Variants in UBXN10 observed in about 807,000 individuals in gnomAD.
UBXN10 encodes UBX domain protein 10.
A neutral mutation model predicts 6.9 loss-of-function variants in UBXN10; 6 were observed. That is an observed-to-expected ratio of 0.87 (90% CI 0.48 to 1.72). The LOEUF (loss-of-function observed/expected upper bound fraction) is 1.72. Ranked by LOEUF, UBXN10 falls within the 40% of genes most tolerant of loss-of-function variation. The probability of loss-of-function intolerance (pLI) is 0.01; values close to 1 mark genes in which losing one functional copy is unlikely to be tolerated. For missense variants in UBXN10, 317 were observed against 348.4 expected (o/e 0.91, Z 0.72); for synonymous variants, 131 against 135.2 (o/e 0.97, Z 0.21).
chr1:20,190,839 C>T lies in UBXN10; in HGVS notation c.278C>T (p.Ser93Phe). 2 of 1,614,024 alleles carry T rather than the reference C, an allele frequency of 1.2e-6. No homozygotes were observed. The highest frequency in any genetic ancestry group is 1.7e-6 in the Non-Finnish European group (2 of 1,180,042). Residue 93 changes from serine (S) to phenylalanine (F), a missense_variant, in exon 2 of 2, where the codon TCT becomes TTT. Transcript: ENST00000375099. ...CCCAAATCTCCAAACCAGGGAGCTT[C>T]TGATGAGATCCCTGAGCTGCAGCAG... is the stretch of plus-strand genomic sequence containing the variant. ...CAPKSPNQGA[S>F]DEIPELQQQV...
chr1:20,184,182 CGTGCGT>C (rs898765522), upstream of UBXN10: 14 of 134,604 alleles, frequency 1.0e-4, no homozygotes, highest in African/African-American at 4.2e-4. Context: ...CAAAGGCGCG[CGTGCGT>C]GCGCACACGC....
chr1:20,185,877 T>C (rs1360442725), upstream of UBXN10, among the ~76,000 whole-genome samples: 5 of 152,028 alleles, frequency 3.3e-5, no homozygotes, highest in Non-Finnish European at 7.4e-5. Context: ...GCGGTGACGC[T>C]AGGAAGAGGA....
intron 1 of UBXN10, among the ~76,000 whole-genome samples, chr1:20,189,312 T>C (rs1335692539): frequency 6.6e-6 from 1 of 151,888 alleles, no homozygotes; most frequent in Non-Finnish European, 1.5e-5. Flanking sequence ...TGGTCAGGAT[T>C]CAGAGGGAGG....
rs1220326136 is a variant in UBXN10, at chr1:20,192,980, A to C, written c.*1576A>C. The C allele has an allele frequency of 1.2e-5, 2 of 167,102 alleles. No homozygotes were observed. Among genetic ancestry groups the C allele is most frequent in the Admixed American group, 1.3e-4 (2 of 15,274 alleles). The allele number at this position is 167,102 out of a possible 1,614,324, so 10.4% of individuals were successfully genotyped here. On this transcript the variant is annotated 3_prime_UTR_variant, in exon 2 of 2. Coordinates refer to ENST00000375099, the MANE Select transcript of UBXN10 (RefSeq NM_152376.5). The stretch of plus-strand genomic sequence containing the variant: ...TTCTGAATGTTTTATAGAATTTCTT[A>C]ATACCATCCTGGTTTGGTCAGCCAT...
rs368796887 is a variant in UBXN10, at chr1:20,192,465, A to AC, written c.*1063dup. The AC allele has an allele frequency of 1.2e-3, 200 of 167,122 alleles. No individual in the cohort carries two copies. Among genetic ancestry groups the AC allele is most frequent in the African/African-American group, 4.5e-3 (186 of 41,514 alleles). The allele number at this position is 167,122 out of a possible 1,614,324, so 10.4% of individuals were successfully genotyped here. ...GACCATGTGCCCGAGCATCTGGTTG[A>AC]CCGGCATGAAGTACATCAGCCTGTC... On this transcript the variant is annotated 3_prime_UTR_variant, in exon 2 of 2. Coordinates refer to ENST00000375099, the MANE Select transcript of UBXN10 (RefSeq NM_152376.5).
chr1:20,185,799 C>T (rs2018363918), upstream of UBXN10, among the ~76,000 whole-genome samples: 1 of 152,204 alleles, frequency 6.6e-6, no homozygotes, highest in South Asian at 2.1e-4. Context: ...TGGTGCTGCT[C>T]CCCGCTCCTC....
Position 20,194,666 on chromosome 1 carries a change from A to G in UBXN10, c.*3262A>G, listed in dbSNP as rs566158133. ...TACCTGCCGTTTTAAATGGGTTTCT[A>G]ATGTCAAATAAAGCCACCCTGCCTC... On this transcript the variant is annotated 3_prime_UTR_variant, in exon 2 of 2. Transcript: ENST00000375099. 35 of 167,238 alleles carry G rather than the reference A, an allele frequency of 2.1e-4. No individual in the cohort carries two copies. The highest frequency in any genetic ancestry group is 3.4e-3 in the Middle Eastern group (1 of 296). 10.4% of individuals were successfully genotyped at this position (167,238 alleles called of 1,614,324 possible).
Position 20,191,329 on chromosome 1 carries a change from A to G in UBXN10, c.768A>G (p.Lys256=), listed in dbSNP as rs993496133. 12 of 1,613,872 alleles carry G rather than the reference A, an allele frequency of 7.4e-6. No individual in the cohort carries two copies. In the Admixed American group the frequency reaches 1.3e-4, roughly 18 times the overall value. Residue 256 remains lysine (K), a synonymous_variant, in exon 2 of 2, where the codon AAA becomes AAG. Coordinates refer to ENST00000375099, the MANE Select transcript of UBXN10 (RefSeq NM_152376.5). This position sits in a 1 kb window ranked among gnomAD's most constrained non-coding sequence, Gnocchi z 4.5. ...VPRRRFSDLT[K]SLQECRIPHK... ...GGAGGCGATTTTCTGACCTCACCAA[A>G]TCTCTGCAAGAGTGCAGAATCCCCC...
chr1:20,192,519 G>A lies in UBXN10; in HGVS notation c.*1115G>A, dbSNP rs1254987801. Reference sequence around the variant, plus strand: ...GCCTGAGCTGCTTTGAAGACCATGGGGTCTTGTGTTTCCAACTTCGAAGTG... The same window carrying A: ...GCCTGAGCTGCTTTGAAGACCATGGAGTCTTGTGTTTCCAACTTCGAAGTG... On this transcript the variant is annotated 3_prime_UTR_variant, in exon 2 of 2. Transcript: ENST00000375099. The A allele has an allele frequency of 6.0e-6, 1 of 167,016 alleles. No homozygotes were observed. The highest frequency in any genetic ancestry group is 1.5e-5 in the Non-Finnish European group (1 of 68,128). 10.3% of individuals were successfully genotyped at this position (167,016 alleles called of 1,614,324 possible).
intron 1 of UBXN10, among the ~76,000 whole-genome samples, chr1:20,189,593 G>C (rs1008889215): frequency 6.6e-6 from 1 of 152,112 alleles, no homozygotes; most frequent in African/African-American, 2.4e-5. Flanking sequence ...CTATCGGGTA[G>C]CTGGGAAGAC....
intron 1 of UBXN10, among the ~76,000 whole-genome samples, 181 bp from the exon 2 acceptor site, chr1:20,190,366 G>A (rs919440859): frequency 6.6e-6 from 1 of 152,104 alleles, no homozygotes; most frequent in African/African-American, 2.4e-5. Context: ...TCGGTTTGCT[G>A]ATCTCTCGCA....
At position 20,192,223 on chromosome 1, in the gene UBXN10, G is replaced by T. The variant is rs2018516408; in HGVS notation, c.*819G>T. 6.0e-6 allele frequency: 1 copy of T among 167,012 alleles called. No individual in the cohort carries two copies. Among genetic ancestry groups the T allele is most frequent in the African/African-American group, 2.4e-5 (1 of 41,422 alleles). The allele number at this position is 167,012 out of a possible 1,614,324, so 10.3% of individuals were successfully genotyped here. On this transcript the variant is annotated 3_prime_UTR_variant, in exon 2 of 2. Transcript: ENST00000375099. ...TAATGGAATCTTTTGTTTTTAAAAT[G>T]TACAAACCTATAAGTTTAAACAGGT...
chr1:20,184,972 G>A (rs2018341991), upstream of UBXN10, among the ~76,000 whole-genome samples: 1 of 152,166 alleles, frequency 6.6e-6, no homozygotes, highest in East Asian at 1.9e-4. Context: ...TCAGCAACAT[G>A]GCAGAACCCC....
upstream of UBXN10, chr1:20,184,151 C>G (rs1375909406): frequency 1.3e-5 from 2 of 152,140 alleles, no homozygotes; most frequent in African/African-American, 4.8e-5. Context: ...TTAAACAGAC[C>G]GCCATTTCAC....
At chr1:20,189,562 A>G (rs186577537) in intron 1 of UBXN10, among the ~76,000 whole-genome samples, 144 of 152,204 alleles carry the variant, frequency 9.5e-4, no homozygotes, top group African/African-American at 3.3e-3. Context: ...GGGAGATCCA[A>G]ATACAGAGGC....
Position 20,191,376 on chromosome 1 carries a change from C to T in UBXN10, c.815C>T (p.Ser272Leu), listed in dbSNP as rs1357519727. 6.2e-7 allele frequency: 1 copy of T among 1,611,196 alleles called. No individual in the cohort carries two copies. ...CCCCACAAGTCTGTGCTGGGCATCT[C>T]ACTGGAAGATGGGGAAGGGTGGCCC... Reference protein sequence around the residue: ...RIPHKSVLGISLEDGEGWP With the variant: ...RIPHKSVLGILLEDGEGWP Residue 272 changes from serine to leucine, a missense_variant, in exon 2 of 2, where the codon TCA becomes TTA. By Grantham distance (145) the Ser-to-Leu change is moderately radical (BLOSUM62 -2). Transcript: ENST00000375099. This position sits in a 1 kb window ranked among gnomAD's most constrained non-coding sequence, Gnocchi z 4.5.
chr1:20,189,315 G>C (rs12737747), intron 1 of UBXN10, among the ~76,000 whole-genome samples: 2 of 152,094 alleles, frequency 1.3e-5, no homozygotes, highest in African/African-American at 4.8e-5. Context: ...TCAGGATTCA[G>C]AGGGAGGCAG....
At position 20,190,836 on chromosome 1, in the gene UBXN10, C is replaced by T. The variant is rs1235735168; in HGVS notation, c.275C>T (p.Ala92Val). The T allele has an allele frequency of 6.2e-7, 1 of 1,613,914 alleles. No homozygotes were observed. The highest frequency in any genetic ancestry group is 8.5e-7 in the Non-Finnish European group (1 of 1,180,046). Reference protein sequence around the residue: ...ACAPKSPNQGASDEIPELQQQ... With the variant: ...ACAPKSPNQGVSDEIPELQQQ... ...GCACCCAAATCTCCAAACCAGGGAG[C>T]TTCTGATGAGATCCCTGAGCTGCAG... The change falls in exon 2 of 2, where the codon GCT becomes GTT. Residue 92 changes from alanine (A) to valine (V), a missense_variant. Transcript: ENST00000375099.
chr1:20,184,106 GGTACTGCTGACGTTAACTGCAT>G (rs1269989526), upstream of UBXN10: 2 of 152,250 alleles, frequency 1.3e-5, no homozygotes, highest in African/African-American at 4.8e-5. Flanking sequence ...GCAAAAGGCA[GGTACTGCTGACGTTAACTGCAT>G]GTACTGCTGA....
Sources: gnomAD v4.1 joint callset for allele counts (sites outside exome capture counted in the v4.1 genomes callset) on GRCh38, gnomAD v4.1.1 for gene constraint, Gnocchi (gnomAD v3.1) non-coding constraint, MANE v1.5 for transcripts, NCBI Gene and HGNC (gene_info 2026-07-23, HGNC 2026-07-21) for gene names.